NUP210L: variants seen among roughly 807,000 people sequenced by gnomAD.
NUP210L encodes nuclear pore membrane glycoprotein 210-like.
In NUP210L, 74 loss-of-function variants were observed where a neutral mutation model predicts 208.5. That is an observed-to-expected ratio of 0.35 (90% CI 0.29 to 0.43). NUP210L has a LOEUF of 0.43. NUP210L is among the 20% of genes least tolerant of loss of function. The pLI, the probability that NUP210L is intolerant of heterozygous loss-of-function variation, is 1.00. For synonymous variants in NUP210L, 780 were observed against 816.9 expected, an observed-to-expected ratio of 0.95 and a Z score of 0.77; for missense variants, 1,843 against 2,289.4, an observed-to-expected ratio of 0.81 and a Z score of 3.98.
intron 4 of NUP210L, 105 bp from the exon 5 acceptor site, chr1:154,140,057 T>A: frequency 2.2e-6 from 2 of 915,100 alleles, no homozygotes; most frequent in Non-Finnish European, 3.3e-6. Context: ...CTATAGAATG[T>A]AAAACACTTT....
chr1:154,001,333 G>A (rs1650201117), intron 36 of NUP210L, among the ~76,000 whole-genome samples: 1 of 152,092 alleles, frequency 6.6e-6, no homozygotes, highest in Non-Finnish European at 1.5e-5. Context: ...GAGTAGCTGG[G>A]ACTACAGGTG....
chr1:154,154,795 C>G (rs751638124), intron 1 of NUP210L, 47 bp downstream of exon 1: 93 of 1,470,274 alleles, frequency 6.3e-5, no homozygotes, highest in Non-Finnish European at 8.4e-5. Context: ...CTCACCCTTA[C>G]TGGATGGTAG....
At chr1:154,138,131 T>G (rs770320639) in exon 6 of NUP210L, 2 of 1,505,714 alleles carry the variant, frequency 1.3e-6, no homozygotes, top group African/African-American at 1.5e-5. Context: ...GAACCATTTT[T>G]GCAACTTGGT....
intron 10 of NUP210L, among the ~76,000 whole-genome samples, chr1:154,124,885 G>A (rs1423858481): frequency 1.3e-5 from 2 of 152,026 alleles, no homozygotes; most frequent in East Asian, 1.9e-4. Flanking sequence ...CCAGGAGGTC[G>A]AGGCTGCAGG....
intron 27 of NUP210L, among the ~76,000 whole-genome samples, chr1:154,041,732 G>A (rs1372413472): frequency 1.3e-5 from 2 of 152,020 alleles, no homozygotes; most frequent in African/African-American, 2.4e-5. Flanking sequence ...ACTGGATAGC[G>A]AGGATTAGAA....
chr1:153,994,251 G>A (rs1264214897), intron 38 of NUP210L, among the ~76,000 whole-genome samples: 3 of 152,122 alleles, frequency 2.0e-5, no homozygotes, highest in Non-Finnish European at 4.4e-5. Flanking sequence ...AGATTTAGTA[G>A]TGGTTTCCAC....
intron 10 of NUP210L, among the ~76,000 whole-genome samples, chr1:154,125,679 A>G (rs1415125943): frequency 0.013 from 74 of 5,516 alleles, no homozygotes; most frequent in Non-Finnish European, 0.038. Context: ...GGAAGGAAGG[A>G]AGGAAGGAAG....
intron 27 of NUP210L, among the ~76,000 whole-genome samples, chr1:154,032,613 G>C (rs896425177): frequency 6.6e-6 from 1 of 151,588 alleles, no homozygotes; most frequent in African/African-American, 2.4e-5. Flanking sequence ...CGACTCTCCT[G>C]CCTCAGCCTC....
At chr1:154,054,731 A>G in intron 24 of NUP210L, 39 bp downstream of exon 24, 1 of 1,391,816 alleles carries the variant, frequency 7.2e-7, no homozygotes, top group Non-Finnish European at 1.0e-6. Flanking sequence ...AGAGGTAAGG[A>G]GAAAAGGTAA....
rs552462257 is a variant in NUP210L at position 154,102,110 on chromosome 1, C to G, written c.1819+1902G>C. ...AGGTTGCAGTGAGCCGAGATTGCACCACTGCACTCCAGCCTGGGTGATGGA... is the reference window on the plus strand; with the variant it reads ...AGGTTGCAGTGAGCCGAGATTGCACGACTGCACTCCAGCCTGGGTGATGGA... On this transcript the variant is annotated intron_variant, in intron 13 of 39. Transcript: ENST00000368559. Among the ~76,000 whole-genome samples the G allele has an allele frequency of 3.3e-5, 5 of 152,052 alleles. No homozygotes were observed. In the South Asian group the frequency reaches 1.0e-3, roughly 32 times the overall value.
intron 16 of NUP210L, among the ~76,000 whole-genome samples, chr1:154,073,040 T>C (rs116747643): frequency 0.02 from 3,026 of 152,006 alleles, 117 homozygotes; most frequent in African/African-American, 0.069. Context: ...AGAACTAATA[T>C]CCGGAATCTA....
At chr1:154,138,084 G>T in intron 6 of NUP210L, 22 bp downstream of exon 6, 1 of 1,457,600 alleles carries the variant, frequency 6.9e-7, no homozygotes, top group South Asian at 1.5e-5. Context: ...TGAGTCATAG[G>T]AGAAAAAATA....
At chr1:154,089,478 T>C in exon 16 of NUP210L, 2 of 1,614,178 alleles carry the variant, frequency 1.2e-6, no homozygotes, top group Non-Finnish European at 8.5e-7. Context: ...GCACCTTGTA[T>C]ACTGGAGTTA....
At chr1:154,056,493 C>T (rs1270054341) in intron 23 of NUP210L, among the ~76,000 whole-genome samples, 1 of 152,174 alleles carries the variant, frequency 6.6e-6, no homozygotes, top group Non-Finnish European at 1.5e-5. Context: ...CAGCTCACTG[C>T]AGCCTCAACC....
chr1:153,994,261 C>T (rs759980468), intron 38 of NUP210L, among the ~76,000 whole-genome samples: 27 of 152,266 alleles, frequency 1.8e-4, no homozygotes, highest in Non-Finnish European at 3.4e-4. Context: ...GTGGTTTCCA[C>T]TTCTGAGTGG....
intron 27 of NUP210L, among the ~76,000 whole-genome samples, chr1:154,041,515 G>C (rs1652876167): frequency 6.6e-6 from 1 of 151,604 alleles, no homozygotes; most frequent in Non-Finnish European, 1.5e-5. Context: ...ATTTGTAGTA[G>C]AGACGGCGTT....
Position 154,130,739 on chromosome 1 carries a change from C to A in NUP210L, c.1010-1394G>T, listed in dbSNP as rs1311684575. On this transcript the variant is annotated intron_variant, in intron 7 of 39. Coordinates refer to ENST00000368559, the Ensembl canonical transcript of NUP210L. The stretch of plus-strand genomic sequence containing the variant: ...AACTGGGACTATAGGCCTGCACCAC[C>A]ACATCTGGCTAACCTTTTACTTTTT... Among the ~76,000 whole-genome samples, 3 of 151,684 alleles carry A rather than the reference C, an allele frequency of 2.0e-5. No individual in the cohort carries two copies. In the South Asian group the frequency reaches 6.2e-4, roughly 32 times the overall value.
Position 154,054,367 on chromosome 1 carries a change from T to C in NUP210L, c.3344A>G (p.His1115Arg), listed in dbSNP as rs552856335. The change falls in exon 25 of 40, where the codon CAC becomes CGC. Residue 1115 changes from histidine (H) to arginine (R), a missense_variant. Physicochemically the swap from His to Arg is conservative, Grantham distance 29. Around this residue, in one of 5 missense-constraint regions of NUP210L, gnomAD observed 781 missense variants for 973.8 expected, o/e 0.80. Transcript: ENST00000368559. ...CACGGTCTGATTACTGATGGAGAAG[T>C]GAACGATGGATTGGGGCTGGGGGCC... 3.1e-6 allele frequency: 5 copies of C among 1,614,164 alleles called. No individual in the cohort carries two copies. In the Admixed American group the frequency reaches 8.3e-5, roughly 27 times the overall value.
At chr1:154,040,400 A>G (rs1279978436) in intron 27 of NUP210L, among the ~76,000 whole-genome samples, 2 of 151,926 alleles carry the variant, frequency 1.3e-5, no homozygotes, top group Non-Finnish European at 2.9e-5. Context: ...AGAAGAAAAA[A>G]GAAAGAATAA....
Sources: allele counts gnomAD v4.1 joint callset (sites outside exome capture counted in the v4.1 genomes callset), GRCh38; gene constraint gnomAD v4.1.1; regional missense constraint gnomAD v4.1.1; transcripts MANE v1.5; gene names NCBI Gene and HGNC (gene_info 2026-07-23, HGNC 2026-07-21).